The following ADGRB3 variants were observed in gnomAD, a reference collection of about 807,000 sequenced individuals.
ADGRB3 encodes the protein brain-specific angiogenesis inhibitor 3.
ADGRB3 carries 37 observed loss-of-function variants against 193.4 expected under a neutral mutation model. The ratio of observed to expected loss-of-function variants is 0.19; its 90% CI spans 0.15 to 0.25. ADGRB3 has a LOEUF of 0.25. Among genes scored for constraint, ADGRB3 ranks in the 10% least tolerant of loss-of-function variants. The pLI, the probability that ADGRB3 is intolerant of heterozygous loss-of-function variation, is 1.00. For missense variants in ADGRB3, 1,637 were observed against 1,852.9 expected (o/e 0.88, Z 2.14); for synonymous variants, 690 against 644.2 (o/e 1.07, Z -1.08).
At chr6:68,867,745 G>T (rs1335243670) in intron 3 of ADGRB3, among the ~76,000 whole-genome samples, 1 of 152,210 alleles carries the variant, frequency 6.6e-6, no homozygotes, top group Non-Finnish European at 1.5e-5. Context: ...CGCATGTCCT[G>T]TATGTGAGAC....
intron 6 of ADGRB3, among the ~76,000 whole-genome samples, chr6:68,949,308 G>C (rs998418904): frequency 6.6e-6 from 1 of 152,116 alleles, no homozygotes. Context: ...AGCTGCATTT[G>C]AGAAATGCTT....
At chr6:69,129,332 A>G (rs1773940661) in intron 17 of ADGRB3, among the ~76,000 whole-genome samples, 1 of 152,166 alleles carries the variant, frequency 6.6e-6, no homozygotes, top group African/African-American at 2.4e-5. Context: ...ATTGCAGATG[A>G]TGCACATGAA....
chr6:68,843,270 C>CA, intron 3 of ADGRB3, among the ~76,000 whole-genome samples: 1 of 151,796 alleles, frequency 6.6e-6, no homozygotes, highest in African/African-American at 2.4e-5. Flanking sequence ...TTTTATATTT[C>CA]AAAAAACCCA....
chr6:69,262,709 C>T (rs1210009063), intron 20 of ADGRB3, among the ~76,000 whole-genome samples: 1 of 151,942 alleles, frequency 6.6e-6, no homozygotes. Context: ...ACCACATTCA[C>T]AGGAATTTTA....
intron 3 of ADGRB3, among the ~76,000 whole-genome samples, chr6:68,789,079 G>A (rs1179634009): frequency 6.6e-6 from 1 of 151,974 alleles, no homozygotes; most frequent in Non-Finnish European, 1.5e-5. Flanking sequence ...CCTGAATACA[G>A]CACACTGATG....
chr6:68,639,380 A>G lies in ADGRB3; in HGVS notation c.705A>G (p.Gln235=). Residue 235 remains glutamine (Q), a synonymous_variant, in exon 3 of 32, where the codon CAA becomes CAG. Coordinates refer to ENST00000370598, the MANE Select transcript of ADGRB3 (RefSeq NM_001704.3). ...AGGGCTGCCTGACCCAGGAGCTGCA[A>G]ACCACCCAAGTCTGCAATCTTACCA... ...QTEGCLTQEL[Q]TTQVCNLTRE... The G allele has an allele frequency of 6.2e-7, 1 of 1,613,814 alleles. No individual in the cohort carries two copies. Among genetic ancestry groups the G allele is most frequent in the Non-Finnish European group, 8.5e-7 (1 of 1,179,956 alleles).
At chr6:69,379,972 T>A (rs181063169) in intron 30 of ADGRB3, among the ~76,000 whole-genome samples, 1 of 151,994 alleles carries the variant, frequency 6.6e-6, no homozygotes, top group Non-Finnish European at 1.5e-5. Context: ...ACCAAAATGT[T>A]TTTTAGTTAC....
At chr6:69,065,134 T>C (rs1771862365) in intron 16 of ADGRB3, among the ~76,000 whole-genome samples, 1 of 152,174 alleles carries the variant, frequency 6.6e-6, no homozygotes, top group African/African-American at 2.4e-5. Context: ...TTTGAGTAAG[T>C]GAATTGACCA....
At chr6:69,192,892 AC>A (rs1765222920) in intron 17 of ADGRB3, among the ~76,000 whole-genome samples, 1 of 152,092 alleles carries the variant, frequency 6.6e-6, no homozygotes, top group South Asian at 2.1e-4. Context: ...ACTATTTTTC[AC>A]TGCTGACTAC....
At chr6:68,700,392 A>G (rs553790859) in intron 3 of ADGRB3, among the ~76,000 whole-genome samples, 100 of 152,060 alleles carry the variant, frequency 6.6e-4, no homozygotes, top group Middle Eastern at 3.4e-3. Flanking sequence ...ATATAAGAGG[A>G]GGTTAAAAAG....
chr6:69,027,838 T>C (rs1345556703), intron 13 of ADGRB3, among the ~76,000 whole-genome samples: 1 of 152,146 alleles, frequency 6.6e-6, no homozygotes, highest in African/African-American at 2.4e-5. Flanking sequence ...AGGAGAGCAC[T>C]CAAGGAAATA....
intron 11 of ADGRB3, among the ~76,000 whole-genome samples, chr6:69,006,633 G>T (rs1332008403): frequency 6.6e-6 from 1 of 151,656 alleles, no homozygotes; most frequent in African/African-American, 2.4e-5. Flanking sequence ...AGCCTCCTAA[G>T]TAGCTGGGAT....
At chr6:69,066,303 T>C (rs1372698985) in intron 16 of ADGRB3, among the ~76,000 whole-genome samples, 1 of 151,796 alleles carries the variant, frequency 6.6e-6, no homozygotes, top group Non-Finnish European at 1.5e-5. Context: ...CTTATTTTCT[T>C]ATATCAAAAA....
rs550737113 is a variant in ADGRB3 at position 68,795,643 on chromosome 6, T to C, written c.758-134916T>C. ...TTAATTTTTAAAAGTTGAATATTTA[T>C]GGGGACTCTAAAAGCAGAAATTGTC... is the stretch of plus-strand genomic sequence containing the variant. On this transcript the variant is annotated intron_variant, in intron 3 of 31. Coordinates refer to ENST00000370598, the MANE Select transcript of ADGRB3 (RefSeq NM_001704.3). Among the ~76,000 whole-genome samples, 3 of 152,238 alleles carry C rather than the reference T, an allele frequency of 2.0e-5. No homozygotes were observed. The South Asian group carries it at 6.2e-4, about 32-fold the overall frequency.
At chr6:68,774,139 A>G (rs1027692383) in intron 3 of ADGRB3, among the ~76,000 whole-genome samples, 4 of 123,846 alleles carry the variant, frequency 3.2e-5, no homozygotes, top group African/African-American at 1.3e-4. Context: ...CATAAAACTT[A>G]GTATTTAAAA....
intron 18 of ADGRB3, 152 bp from the exon 19 acceptor site, chr6:69,234,880 G>C (rs1380487669): frequency 3.5e-6 from 2 of 578,234 alleles, no homozygotes; most frequent in African/African-American, 3.8e-5. Context: ...GGTTGAGAAT[G>C]CAAGAACAGA....
intron 3 of ADGRB3, among the ~76,000 whole-genome samples, chr6:68,708,093 T>G (rs1765354969): frequency 6.6e-6 from 1 of 152,164 alleles, no homozygotes; most frequent in Non-Finnish European, 1.5e-5. Flanking sequence ...ATTTGTACAC[T>G]TAGGGTCCAT....
At chr6:68,818,614 C>T (rs2127379215) in intron 3 of ADGRB3, among the ~76,000 whole-genome samples, 1 of 152,026 alleles carries the variant, frequency 6.6e-6, no homozygotes, top group African/African-American at 2.4e-5. Flanking sequence ...AATCTTGTGC[C>T]CTCAAAAGTT....
At chr6:69,229,506 A>C (rs1011670681) in intron 17 of ADGRB3, among the ~76,000 whole-genome samples, 5 of 152,208 alleles carry the variant, frequency 3.3e-5, no homozygotes, top group Non-Finnish European at 7.4e-5. Context: ...ATATCCCAAG[A>C]GTTAATAAAA....
Sources: gnomAD v4.1 joint callset for allele counts (sites outside exome capture counted in the v4.1 genomes callset) on GRCh38, gnomAD v4.1.1 for gene constraint, MANE v1.5 for transcripts, NCBI Gene and HGNC (gene_info 2026-07-23, HGNC 2026-07-21) for gene names.